The following UNC13B variants were observed in gnomAD, a reference collection of about 807,000 sequenced individuals.
UNC13B encodes protein unc-13 homolog B.
A neutral mutation model predicts 211.0 loss-of-function variants in UNC13B; 144 were observed. The observed-to-expected ratio is 0.68, with a 90% CI of 0.60 to 0.78. The LOEUF (loss-of-function observed/expected upper bound fraction) is 0.78. UNC13B is among the 30% of genes least tolerant of loss of function. UNC13B has a pLI of 0.00. For missense variants in UNC13B, 1,777 were observed against 2,002.0 expected (o/e 0.89, Z 2.14); for synonymous variants, 709 against 725.8 (o/e 0.98, Z 0.37).
intron 7 of UNC13B, among the ~76,000 whole-genome samples, chr9:35,282,226 C>T (rs1274630740): frequency 6.6e-6 from 1 of 152,168 alleles, no homozygotes; most frequent in Non-Finnish European, 1.5e-5. Flanking sequence ...CCTTTGCCAA[C>T]CACCCCAGAA....
intron 11 of UNC13B, among the ~76,000 whole-genome samples, chr9:35,335,173 G>A (rs775646905): frequency 1.3e-5 from 2 of 152,228 alleles, no homozygotes; most frequent in Admixed American, 6.5e-5. Flanking sequence ...GGATTAGGGT[G>A]ATCAGAGAAG....
chr9:35,320,238 C>A (rs754113046), intron 11 of UNC13B, among the ~76,000 whole-genome samples: 2 of 152,090 alleles, frequency 1.3e-5, no homozygotes, highest in Non-Finnish European at 2.9e-5. Flanking sequence ...AATTTGTTTT[C>A]TTTTCATTAT....
At chr9:35,263,509 A>G (rs1214600354) in intron 7 of UNC13B, among the ~76,000 whole-genome samples, 1 of 152,048 alleles carries the variant, frequency 6.6e-6, no homozygotes, top group Non-Finnish European at 1.5e-5. Flanking sequence ...CACATCCTGC[A>G]TTTTCTATCT....
chr9:35,381,127 C>G lies in UNC13B; in HGVS notation c.10403C>G (p.Ser3468Ter). The change falls in exon 19 of 40, where the codon TCA (serine) becomes TGA (stop). Residue 3468 changes from serine to a stop codon, truncating the protein, a stop_gained. Transcript: ENST00000635942. LOFTEE classifies it high-confidence loss of function. ...AAGAGGACAGACAAATCAGCCGTCT[C>G]AGGGGCTATCCGACTACAAATCAGT... ...LEKRTDKSAV[S>*]GAIRLQISVE... 1.2e-6 allele frequency: 2 copies of G among 1,614,136 alleles called. No homozygotes were observed. Among genetic ancestry groups the G allele is most frequent in the Non-Finnish European group, 1.7e-6 (2 of 1,180,030 alleles).
At position 35,381,433 on chromosome 9, in the gene UNC13B, A is replaced by G. The variant is rs577819173; in HGVS notation, c.10492-123A>G. The G allele has an allele frequency of 1.2e-5, 15 of 1,265,858 alleles. No homozygotes were observed. The African/African-American group carries it at 2.1e-4, about 18-fold the overall frequency. The allele number at this position is 1,265,858 out of a possible 1,614,324, so 78.4% of individuals were successfully genotyped here. ...CTGGGGCCACAGGAGGAACTGAGCA[A>G]TGACTGGAAGGACAGAATTTCTGTG... On this transcript the variant is annotated intron_variant, in intron 19 of 39. Coordinates refer to ENST00000635942, the MANE Select transcript of UNC13B (RefSeq NM_001371189.2).
In UNC13B at chr9:35,354,536, T is replaced by G. The variant is rs575003265; in HGVS notation, c.9415-12411T>G. Among the ~76,000 whole-genome samples, 3 of 152,296 alleles carry G rather than the reference T, an allele frequency of 2.0e-5. No homozygotes were observed. The South Asian group carries it at 6.2e-4, about 32-fold the overall frequency. On this transcript the variant is annotated intron_variant, in intron 11 of 39. Coordinates refer to ENST00000635942, the MANE Select transcript of UNC13B (RefSeq NM_001371189.2). The stretch of plus-strand genomic sequence containing the variant: ...AGCTGCTCACCTGCAAGCTGGCAAA[T>G]GGAATGTTTTTTGACTACAGGAAGT...
intron 11 of UNC13B, chr9:35,353,204 G>A: frequency 8.1e-7 from 1 of 1,232,164 alleles, no homozygotes; most frequent in Non-Finnish European, 1.0e-6. Context: ...GGATGTCTTT[G>A]ACAAGTCCTC....
Position 35,382,390 on chromosome 9 carries a change from T to C in UNC13B, c.10689T>C (p.Cys3563=). 1 of 1,614,108 alleles carries C rather than the reference T, an allele frequency of 6.2e-7. No homozygotes were observed. The highest frequency in any genetic ancestry group is 8.5e-7 in the Non-Finnish European group (1 of 1,180,022). ...CATGTTTATCATCCAAGTACATGTG[T>C]CCTGGTGTGCCAGCAGTGATGAGCA... ...HFACLSSKYM[C]PGVPAVMSTL... is the part of the protein sequence containing the mutation. Residue 3563 remains cysteine, a synonymous_variant, in exon 21 of 40, where the codon TGT becomes TGC. Coordinates refer to ENST00000635942, the MANE Select transcript of UNC13B (RefSeq NM_001371189.2).
chr9:35,185,041 T>A (rs766604185), intron 1 of UNC13B, among the ~76,000 whole-genome samples: 1 of 152,212 alleles, frequency 6.6e-6, no homozygotes, highest in African/African-American at 2.4e-5. Context: ...CTCAAACATA[T>A]TGAGTATTCT....
intron 7 of UNC13B, among the ~76,000 whole-genome samples, chr9:35,270,800 C>T (rs960964186): frequency 1.3e-5 from 2 of 151,982 alleles, no homozygotes; most frequent in Non-Finnish European, 1.5e-5. Context: ...GAGTGAAGAT[C>T]GTCTTTTTGC....
chr9:35,196,950 T>C (rs1026057856), intron 1 of UNC13B, among the ~76,000 whole-genome samples: 1 of 151,898 alleles, frequency 6.6e-6, no homozygotes, highest in African/African-American at 2.4e-5. Context: ...TTTAATTTTT[T>C]TGTAGAGACA....
At chr9:35,182,947 G>T (rs796656900) in intron 1 of UNC13B, among the ~76,000 whole-genome samples, 1 of 151,878 alleles carries the variant, frequency 6.6e-6, no homozygotes, top group Non-Finnish European at 1.5e-5. Context: ...CGACAAAACC[G>T]CCATCGTCAT....
At chr9:35,200,980 G>C (rs1029178156) in intron 1 of UNC13B, among the ~76,000 whole-genome samples, 1 of 152,248 alleles carries the variant, frequency 6.6e-6, no homozygotes, top group South Asian at 2.1e-4. Flanking sequence ...GTTTGTCATA[G>C]ATAGCTCTTA....
At chr9:35,200,678 T>C (rs894497817) in intron 1 of UNC13B, among the ~76,000 whole-genome samples, 5 of 152,236 alleles carry the variant, frequency 3.3e-5, no homozygotes, top group African/African-American at 1.2e-4. Context: ...TTTTTGCACA[T>C]TGATTTTGTA....
intron 2 of UNC13B, among the ~76,000 whole-genome samples, chr9:35,230,123 G>T (rs1825111479): frequency 6.6e-6 from 1 of 152,092 alleles, no homozygotes; most frequent in South Asian, 2.1e-4. Flanking sequence ...TAATCAACTT[G>T]TTTAGTACTC....
At chr9:35,380,692 C>T in intron 18 of UNC13B, 53 bp downstream of exon 18, 1 of 1,607,666 alleles carries the variant, frequency 6.2e-7, no homozygotes, top group East Asian at 2.2e-5. Flanking sequence ...ATGAAGGGGA[C>T]CTGGGAATAG....
rs767244055 is a variant in UNC13B, at chr9:35,399,004, T to C, written c.12044T>C (p.Leu4015Pro). ...GCGGCTCAGGATGCAGATAGCGTAC[T>C]CCGGCCTCTCATGGACTTCCTGGAT... ...ASAAQDADSV[L>P]RPLMDFLDGN... Residue 4015 changes from leucine to proline, a missense_variant, in exon 33 of 40, where the codon CTC becomes CCC. Coordinates refer to ENST00000635942, the MANE Select transcript of UNC13B (RefSeq NM_001371189.2). 1.2e-6 allele frequency: 2 copies of C among 1,613,994 alleles called. No individual in the cohort carries two copies. The highest frequency in any genetic ancestry group is 1.3e-5 in the African/African-American group (1 of 74,904).
At chr9:35,377,990 A>C (rs1418132947) in intron 16 of UNC13B, among the ~76,000 whole-genome samples, 4 of 148,108 alleles carry the variant, frequency 2.7e-5, no homozygotes, top group East Asian at 4.1e-4. Flanking sequence ...GGGAAGGGGA[A>C]GGGCAGGGGA....
Position 35,386,238 on chromosome 9 carries a change from C to T in UNC13B, c.11039C>T (p.Thr3680Ile), listed in dbSNP as rs771974644. 3.1e-6 allele frequency: 5 copies of T among 1,614,194 alleles called. No homozygotes were observed. The highest frequency in any genetic ancestry group is 2.2e-5 in the South Asian group (2 of 91,082). ...KDCVKACLNS[T>I]YEYIFNNCHD... ...TGTGTGAAGGCCTGTTTGAACTCCA[C>T]ATATGAATATATCTTCAACAACTGC... The change falls in exon 24 of 40, where the codon ACA becomes ATA. Residue 3680 changes from threonine to isoleucine, a missense_variant. Transcript: ENST00000635942.
Sources: allele counts gnomAD v4.1 joint callset (sites outside exome capture counted in the v4.1 genomes callset), GRCh38; gene constraint gnomAD v4.1.1; transcripts MANE v1.5; gene names NCBI Gene and HGNC (gene_info 2026-07-23, HGNC 2026-07-21).